Variants in ANKFN1 observed in about 807,000 individuals in gnomAD.
ANKFN1 encodes ankyrin repeat and fibronectin type-III domain-containing protein 1.
In ANKFN1, 74 loss-of-function variants were observed where a neutral mutation model predicts 108.7. The observed-to-expected ratio is 0.68, with a 90% CI of 0.56 to 0.83. The LOEUF (loss-of-function observed/expected upper bound fraction) is 0.83, where lower values mean the gene tolerates loss of function less well. Ranked by LOEUF, ANKFN1 falls within the 40% of genes least tolerant of loss-of-function variation. The pLI, the probability that ANKFN1 is intolerant of heterozygous loss-of-function variation, is 0.00. For synonymous variants in ANKFN1, 547 were observed against 516.2 expected, an observed-to-expected ratio of 1.06 and a Z score of -0.81; for missense variants, 1,505 against 1,382.3, an observed-to-expected ratio of 1.09 and a Z score of -1.41.
At chr17:56,139,992 A>G (rs1186002435) in intron 4 of ANKFN1, among the ~76,000 whole-genome samples, 5 of 152,216 alleles carry the variant, frequency 3.3e-5, no homozygotes, top group Non-Finnish European at 7.3e-5. Context: ...TTCTGCACTA[A>G]TTGTTCCTAA....
chr17:56,086,561 G>T (rs1329486592), intron 4 of ANKFN1, among the ~76,000 whole-genome samples: 1 of 151,374 alleles, frequency 6.6e-6, no homozygotes, highest in East Asian at 1.9e-4. Context: ...CCCATTTAAG[G>T]TTTTTATCAG....
intron 4 of ANKFN1, among the ~76,000 whole-genome samples, chr17:56,069,903 T>TTATTCATG (rs1303595506): frequency 6.6e-6 from 1 of 152,178 alleles, no homozygotes; most frequent in Admixed American, 6.5e-5. Flanking sequence ...AAGGGGTAAA[T>TTATTCATG]TATTCATGTC....
chr17:56,290,660 A>G (rs1469930162), intron 3 of ANKFN1, among the ~76,000 whole-genome samples: 2 of 152,184 alleles, frequency 1.3e-5, no homozygotes, highest in Non-Finnish European at 2.9e-5. Context: ...GGTACTGTAA[A>G]TAAGGATATC....
intron 11 of ANKFN1, among the ~76,000 whole-genome samples, chr17:56,452,652 C>T (rs2049530370): frequency 6.6e-6 from 1 of 152,176 alleles, no homozygotes; most frequent in Non-Finnish European, 1.5e-5. Flanking sequence ...CCCATCCAAC[C>T]ACAAGGGCTC....
At chr17:56,211,598 G>A (rs1325488500) in intron 1 of ANKFN1, among the ~76,000 whole-genome samples, 1 of 151,868 alleles carries the variant, frequency 6.6e-6, no homozygotes, top group Non-Finnish European at 1.5e-5. Context: ...GGCTTTTTTT[G>A]GTTCCATATG....
chr17:56,108,576 C>A (rs912023693), intron 4 of ANKFN1, among the ~76,000 whole-genome samples: 2 of 152,132 alleles, frequency 1.3e-5, no homozygotes, highest in African/African-American at 2.4e-5. Context: ...AATAAGGAAA[C>A]TAAGTCACGG....
chr17:56,373,846 A>G (rs774888441), intron 7 of ANKFN1, among the ~76,000 whole-genome samples: 30 of 152,250 alleles, frequency 2.0e-4, no homozygotes, highest in Admixed American at 1.3e-4. Flanking sequence ...TTAACACTAG[A>G]AACAGACATA....
chr17:56,216,888 G>A (rs1395717568), intron 2 of ANKFN1, among the ~76,000 whole-genome samples: 1 of 152,168 alleles, frequency 6.6e-6, no homozygotes, highest in African/African-American at 2.4e-5. Context: ...GGGAATTCTA[G>A]TCAGAGAAAT....
chr17:56,141,317 A>G (rs1476603644), intron 4 of ANKFN1, among the ~76,000 whole-genome samples: 2 of 152,212 alleles, frequency 1.3e-5, no homozygotes, highest in Non-Finnish European at 2.9e-5. Context: ...AGCCTCTAAT[A>G]TGGAATACCA....
rs756863632 is a variant in ANKFN1, at chr17:56,477,656, T to G, written c.1940+2T>G. 1.9e-6 allele frequency: 3 copies of G among 1,612,448 alleles called. No individual in the cohort carries two copies. In the Admixed American group the frequency reaches 5.0e-5, roughly 27 times the overall value. ...CCGTGAAAACAATAATATTTCTAGG[T>G]AAGTGATCAGGAGTTAAGATTTTCC... On this transcript the variant is annotated splice_donor_variant, in intron 16 of 20. Coordinates refer to ENST00000682825, the MANE Select transcript of ANKFN1 (RefSeq NM_001370326.1). LOFTEE classifies it high-confidence loss of function.
intron 1 of ANKFN1, among the ~76,000 whole-genome samples, chr17:56,188,563 ATGTG>A (rs1238184436): frequency 2.2e-5 from 2 of 89,910 alleles, no homozygotes; most frequent in Non-Finnish European, 4.5e-5. Flanking sequence ...GTGTGTGTGT[ATGTG>A]TGTGTGTGTG....
rs150369840 is a variant in ANKFN1 at position 56,374,699 on chromosome 17, G to A, written c.895G>A (p.Val299Ile). 1.2e-6 allele frequency: 2 copies of A among 1,613,076 alleles called. No individual in the cohort carries two copies. Among genetic ancestry groups the A allele is most frequent in the South Asian group, 1.1e-5 (1 of 91,050 alleles). ...QEPLSVNAAV[V>I]TRYKVEWSMS... is the part of the protein sequence containing the mutation. ...GCCTCTTAGCGTCAATGCAGCTGTA[G>A]TAACCAGGTATAAAGGTACTGGACC... The change falls in exon 8 of 21, where the codon GTA becomes ATA. Residue 299 changes from valine (V) to isoleucine (I), a missense_variant. By Grantham distance (29) the Val-to-Ile change is conservative. Coordinates refer to ENST00000682825, the MANE Select transcript of ANKFN1 (RefSeq NM_001370326.1).
chr17:56,188,993 C>T (rs1161630548), intron 1 of ANKFN1, among the ~76,000 whole-genome samples: 1 of 151,962 alleles, frequency 6.6e-6, no homozygotes, highest in Non-Finnish European at 1.5e-5. Context: ...CCCTGAACTA[C>T]AGCTTCTGGG....
intron 1 of ANKFN1, among the ~76,000 whole-genome samples, chr17:56,193,727 T>C (rs1913235756): frequency 6.6e-6 from 1 of 152,228 alleles, no homozygotes; most frequent in Non-Finnish European, 1.5e-5. Flanking sequence ...ACAATGACTT[T>C]TTAAATGCAA....
At chr17:56,433,310 G>C (rs2048821116) in intron 8 of ANKFN1, among the ~76,000 whole-genome samples, 1 of 152,058 alleles carries the variant, frequency 6.6e-6, no homozygotes. Context: ...AAGCAACAAA[G>C]ACCTGTTTTA....
At chr17:56,256,986 C>T (rs1012674403) in intron 3 of ANKFN1, among the ~76,000 whole-genome samples, 3 of 152,164 alleles carry the variant, frequency 2.0e-5, no homozygotes, top group Non-Finnish European at 2.9e-5. Context: ...CAGGCTTTGT[C>T]AAGTCTTAGA....
chr17:56,364,540 A>C (rs1037634936), intron 6 of ANKFN1, among the ~76,000 whole-genome samples: 3 of 152,232 alleles, frequency 2.0e-5, no homozygotes, highest in Non-Finnish European at 4.4e-5. Flanking sequence ...ATCTTGTTTC[A>C]TTACTTAAAC....
At chr17:56,294,762 G>A (rs1320741360) in intron 3 of ANKFN1, among the ~76,000 whole-genome samples, 2 of 152,206 alleles carry the variant, frequency 1.3e-5, no homozygotes, top group Non-Finnish European at 2.9e-5. Context: ...TAATTTAGAT[G>A]AAACTATTAC....
chr17:56,350,531 G>A (rs904664314), intron 4 of ANKFN1, among the ~76,000 whole-genome samples: 2 of 152,176 alleles, frequency 1.3e-5, no homozygotes, highest in African/African-American at 4.8e-5. Flanking sequence ...AATGGAGGTT[G>A]TCGTTTCATT....
Sources: gnomAD v4.1 joint callset for allele counts (sites outside exome capture counted in the v4.1 genomes callset) on GRCh38, gnomAD v4.1.1 for gene constraint, MANE v1.5 for transcripts, NCBI Gene and HGNC (gene_info 2026-07-23, HGNC 2026-07-21) for gene names.